ALCAM: variants seen among roughly 807,000 people sequenced by gnomAD.
ALCAM encodes the protein CD166 antigen.
ALCAM carries 30 observed loss-of-function variants against 70.9 expected under a neutral mutation model. The observed-to-expected ratio is 0.42, with a 90% confidence interval of 0.32 to 0.57. The LOEUF (loss-of-function observed/expected upper bound fraction) is 0.57, where lower values mean the gene tolerates loss of function less well. ALCAM is among the 20% of genes least tolerant of loss of function. The pLI is 0.11. For synonymous variants in ALCAM, 249 were observed against 242.5 expected, an observed-to-expected ratio of 1.03 and a Z score of -0.25; for missense variants, 591 against 695.1, an observed-to-expected ratio of 0.85 and a Z score of 1.68.
intron 12 of ALCAM, among the ~76,000 whole-genome samples, 162 bp downstream of exon 12, chr3:105,550,421 C>G (rs1221006160): frequency 6.6e-6 from 1 of 150,646 alleles, no homozygotes; most frequent in East Asian, 1.9e-4. Flanking sequence ...TTCTTTTTTC[C>G]TGTCCATTCT....
At chr3:105,476,964 C>T (rs1938133539) in intron 1 of ALCAM, among the ~76,000 whole-genome samples, 1 of 152,010 alleles carries the variant, frequency 6.6e-6, no homozygotes, top group Admixed American at 6.6e-5. Flanking sequence ...TAATAAGTCT[C>T]ACAAGATCTG....
chr3:105,555,402 T>C (rs986288484), intron 14 of ALCAM, among the ~76,000 whole-genome samples: 1 of 152,070 alleles, frequency 6.6e-6, no homozygotes, highest in African/African-American at 2.4e-5. Context: ...GGTTAGTTAT[T>C]CCTTGCTTGT....
intron 1 of ALCAM, among the ~76,000 whole-genome samples, chr3:105,374,546 C>T (rs1003706075): frequency 3.9e-5 from 6 of 152,036 alleles, no homozygotes; most frequent in South Asian, 4.2e-4. Context: ...GACGGTGTCT[C>T]GCTCTTGTTA....
intron 14 of ALCAM, among the ~76,000 whole-genome samples, chr3:105,559,164 ATG>A (rs1022706390): frequency 2.0e-4 from 30 of 148,318 alleles, no homozygotes; most frequent in Non-Finnish European, 4.2e-4. Context: ...TGTAAAATAA[ATG>A]TATATATATT....
intron 2 of ALCAM, among the ~76,000 whole-genome samples, chr3:105,521,753 C>CAG (rs1939550904): frequency 6.6e-6 from 1 of 152,128 alleles, no homozygotes; most frequent in Admixed American, 6.5e-5. Flanking sequence ...TGTGATGCTG[C>CAG]AGAATCCTAA....
chr3:105,510,317 T>A (rs1009938267), intron 1 of ALCAM, among the ~76,000 whole-genome samples: 2 of 152,096 alleles, frequency 1.3e-5, no homozygotes, highest in African/African-American at 4.8e-5. Flanking sequence ...TAGGAGTCTC[T>A]TGTAACCAAG....
intron 14 of ALCAM, among the ~76,000 whole-genome samples, chr3:105,569,950 A>C (rs1940827776): frequency 6.6e-6 from 1 of 152,172 alleles, no homozygotes; most frequent in Admixed American, 6.5e-5. Context: ...AGGTAGACCA[A>C]ATTTTACTAA....
chr3:105,420,701 A>G (rs930442655), intron 1 of ALCAM, among the ~76,000 whole-genome samples: 1 of 151,696 alleles, frequency 6.6e-6, no homozygotes, highest in African/African-American at 2.4e-5. Flanking sequence ...CTAAAGATCT[A>G]GAGACAAATA....
At chr3:105,499,625 T>C (rs1938862779) in intron 1 of ALCAM, among the ~76,000 whole-genome samples, 3 of 152,200 alleles carry the variant, frequency 2.0e-5, no homozygotes, top group Admixed American at 6.5e-5. Flanking sequence ...TTAATTTCTG[T>C]TTGTTGATTA....
At chr3:105,506,165 G>A (rs1939071389) in intron 1 of ALCAM, among the ~76,000 whole-genome samples, 1 of 152,164 alleles carries the variant, frequency 6.6e-6, no homozygotes, top group Non-Finnish European at 1.5e-5. Context: ...ATATATGCCT[G>A]TTAATTAAAC....
At chr3:105,497,960 G>A (rs1464141988) in intron 1 of ALCAM, among the ~76,000 whole-genome samples, 4 of 151,792 alleles carry the variant, frequency 2.6e-5, no homozygotes, top group Non-Finnish European at 5.9e-5. Context: ...GAACCTGGGA[G>A]GCGGAGCTTG....
chr3:105,486,685 A>G (rs1422693931), intron 1 of ALCAM, among the ~76,000 whole-genome samples: 1 of 152,130 alleles, frequency 6.6e-6, no homozygotes, highest in African/African-American at 2.4e-5. Flanking sequence ...GAATACATAT[A>G]CAGACAGTTA....
intron 1 of ALCAM, among the ~76,000 whole-genome samples, chr3:105,449,059 G>A (rs1006678911): frequency 2.0e-5 from 3 of 152,160 alleles, no homozygotes; most frequent in African/African-American, 7.2e-5. Flanking sequence ...CATCTTCTCT[G>A]AAGGCTCACA....
intron 1 of ALCAM, among the ~76,000 whole-genome samples, chr3:105,390,275 T>A (rs1004591891): frequency 6.6e-6 from 1 of 152,110 alleles, no homozygotes; most frequent in African/African-American, 2.4e-5. Context: ...CTTGATTTTT[T>A]AATAATCGCC....
intron 1 of ALCAM, among the ~76,000 whole-genome samples, chr3:105,496,875 T>G (rs1268339968): frequency 6.6e-6 from 1 of 151,418 alleles, no homozygotes; most frequent in Non-Finnish European, 1.5e-5. Flanking sequence ...TGTGTGTGTG[T>G]GGTGGAACGT....
chr3:105,571,745 G>A, intron 14 of ALCAM, 107 bp from the exon 15 acceptor site: 1 of 859,174 alleles, frequency 1.2e-6, no homozygotes, highest in Non-Finnish European at 1.7e-6. Context: ...GCGGTTTGCT[G>A]TAAAACATTT....
At chr3:105,490,795 TA>T (rs1203975709) in intron 1 of ALCAM, among the ~76,000 whole-genome samples, 6 of 152,132 alleles carry the variant, frequency 3.9e-5, no homozygotes, top group Non-Finnish European at 5.9e-5. Context: ...CTTTGCAGGG[TA>T]TGGCCCCCTC....
At chr3:105,459,705 T>G (rs560224759) in intron 1 of ALCAM, among the ~76,000 whole-genome samples, 1 of 152,258 alleles carries the variant, frequency 6.6e-6, no homozygotes, top group South Asian at 2.1e-4. Flanking sequence ...CTGAATTGAA[T>G]TGAAAGTACT....
chr3:105,532,085 T>C lies in ALCAM; in HGVS notation c.459+19T>C, dbSNP rs1939854329. On this transcript the variant is annotated intron_variant, in intron 4 of 15. Coordinates refer to ENST00000306107, the MANE Select transcript of ALCAM (RefSeq NM_001627.4). ...AAAAAAGGTAAGAATTGTTTTTGAT[T>C]AATACCTTTATTTAGCCAGTGTTGT... 1 of 1,602,888 alleles carries C rather than the reference T, an allele frequency of 6.2e-7. No individual in the cohort carries two copies. The highest frequency in any genetic ancestry group is 8.5e-7 in the Non-Finnish European group (1 of 1,170,624).
Sources: allele counts gnomAD v4.1 joint callset (sites outside exome capture counted in the v4.1 genomes callset), GRCh38; gene constraint gnomAD v4.1.1; transcripts MANE v1.5; gene names NCBI Gene and HGNC (gene_info 2026-07-23, HGNC 2026-07-21).